The following SLC60A1 variants were observed in gnomAD, a reference collection of about 807,000 sequenced individuals.
SLC60A1 encodes the protein solute carrier family 60 member 1.
chr1:205,574,462 C>T, the SLC60A1 span, among the ~76,000 whole-genome samples: 15 of 152,154 alleles, frequency 9.9e-5, no homozygotes, highest in African/African-American at 3.4e-4. Flanking sequence ...AAACAAAAAT[C>T]TCAAAACTTA....
the SLC60A1 span, chr1:205,598,907 T>G: frequency 0.025 from 14,611 of 574,906 alleles, 266 homozygotes; most frequent in Middle Eastern, 0.058. Context: ...CTGCAGGGGG[T>G]CACCAGGTCC....
the SLC60A1 span, chr1:205,585,960 C>A: frequency 6.8e-7 from 1 of 1,480,884 alleles, no homozygotes; most frequent in Non-Finnish European, 9.0e-7. The surrounding 1 kb of genome is among the most constrained non-coding windows in gnomAD (Gnocchi z 4.2). Context: ...ACCTGCCCAG[C>A]CTGGGCTCCC....
the SLC60A1 span, chr1:205,600,583 T>A: frequency 1.1e-6 from 1 of 911,994 alleles, no homozygotes; most frequent in Non-Finnish European, 1.7e-6. Flanking sequence ...TCTTCTCCAC[T>A]AAAACTTGGT....
chr1:205,577,023 A>G, the SLC60A1 span, among the ~76,000 whole-genome samples: 2 of 152,056 alleles, frequency 1.3e-5, no homozygotes, highest in East Asian at 3.9e-4. The surrounding 1 kb of genome is among the most constrained non-coding windows in gnomAD (Gnocchi z 5.2). Context: ...GGGACAAACC[A>G]TACCTCCAGT....
At chr1:205,588,491 GAA>G in the SLC60A1 span, among the ~76,000 whole-genome samples, 2 of 42,906 alleles carry the variant, frequency 4.7e-5, no homozygotes, top group African/African-American at 7.0e-5. Flanking sequence ...AAAAAAAAAA[GAA>G]AGAGAAAATA....
At chr1:205,580,623 A>ACCCCCCCCCCCCCC in the SLC60A1 span, 10 of 1,570,440 alleles carry the variant, frequency 6.4e-6, no homozygotes, top group South Asian at 2.2e-5. The surrounding 1 kb of genome is among the most constrained non-coding windows in gnomAD (Gnocchi z 5.0). Flanking sequence ...CTGAAGACTG[A>ACCCCCCCCCCCCCC]CCCCCACCCC....
the SLC60A1 span, chr1:205,602,445 T>C: frequency 6.5e-6 from 1 of 152,674 alleles, no homozygotes; most frequent in African/African-American, 2.4e-5. Flanking sequence ...TAAAAGTACC[T>C]ACCCTACCTC....
At chr1:205,599,276 C>T in the SLC60A1 span, 14 of 1,612,398 alleles carry the variant, frequency 8.7e-6, no homozygotes, top group Non-Finnish European at 1.1e-5. Context: ...TGTTTCTACA[C>T]AAGAGGAGGA....
At chr1:205,595,563 AAGAGCACGGGCTGTG>A in the SLC60A1 span, among the ~76,000 whole-genome samples, 6,837 of 152,294 alleles carry the variant, frequency 0.045, 255 homozygotes, top group African/African-American at 0.1. Flanking sequence ...GGACAAGGGT[AAGAGCACGGGCTGTG>A]CAGGCAATAG....
chr1:205,593,453 C>CA, the SLC60A1 span, among the ~76,000 whole-genome samples: 664 of 83,482 alleles, frequency 8.0e-3, 15 homozygotes, highest in East Asian at 0.014. Flanking sequence ...GACTCTGTCT[C>CA]AAAAAAAAAA....
At chr1:205,576,304 C>G in the SLC60A1 span, among the ~76,000 whole-genome samples, 1 of 152,150 alleles carries the variant, frequency 6.6e-6, no homozygotes, top group East Asian at 1.9e-4. Flanking sequence ...CCAGGGCCAG[C>G]AGGGAGGCAG....
the SLC60A1 span, among the ~76,000 whole-genome samples, chr1:205,588,918 C>T: frequency 6.6e-6 from 1 of 152,020 alleles, no homozygotes; most frequent in African/African-American, 2.4e-5. Context: ...AGGGTGTAGG[C>T]AGTGGGGATG....
the SLC60A1 span, among the ~76,000 whole-genome samples, chr1:205,595,450 C>T: frequency 1.3e-5 from 2 of 152,170 alleles, no homozygotes; most frequent in Non-Finnish European, 2.9e-5. Context: ...GTGTGCCTCC[C>T]CTTTGTGCCC....
At chr1:205,589,406 G>C in the SLC60A1 span, among the ~76,000 whole-genome samples, 2 of 152,134 alleles carry the variant, frequency 1.3e-5, no homozygotes, top group South Asian at 4.1e-4. Context: ...ACATCCTCAG[G>C]GTTTTGTAAG....
At chr1:205,599,603 C>T in the SLC60A1 span, among the ~76,000 whole-genome samples, 3 of 152,186 alleles carry the variant, frequency 2.0e-5, no homozygotes, top group Admixed American at 6.5e-5. Flanking sequence ...AGGCAGAGCC[C>T]GACTCCTTGG....
At chr1:205,570,572 A>G in the SLC60A1 span, among the ~76,000 whole-genome samples, 1 of 152,162 alleles carries the variant, frequency 6.6e-6, no homozygotes, top group African/African-American at 2.4e-5. Flanking sequence ...TAAAAACATG[A>G]CCAATTTTGG....
At chr1:205,577,567 T>C in the SLC60A1 span, among the ~76,000 whole-genome samples, 1 of 152,166 alleles carries the variant, frequency 6.6e-6, no homozygotes, top group African/African-American at 2.4e-5. This position sits in a 1 kb window ranked among gnomAD's most constrained non-coding sequence, Gnocchi z 5.2. Flanking sequence ...TCTCCAGTGC[T>C]TCCTAGCCTT....
chr1:205,572,230 TTTAGA>T, the SLC60A1 span, among the ~76,000 whole-genome samples: 10 of 152,050 alleles, frequency 6.6e-5, no homozygotes, highest in African/African-American at 2.4e-4. Flanking sequence ...GGAAGGGGTA[TTTAGA>T]TTAAAGGTTA....
the SLC60A1 span, among the ~76,000 whole-genome samples, chr1:205,572,868 A>G: frequency 1.3e-5 from 2 of 152,220 alleles, no homozygotes; most frequent in Non-Finnish European, 2.9e-5. Flanking sequence ...ATGTCCACAC[A>G]CTAAACCTGT....
Sources: gnomAD v4.1 joint callset for allele counts (sites outside exome capture counted in the v4.1 genomes callset) on GRCh38, gnomAD v4.1.1 for gene constraint, Gnocchi (gnomAD v3.1) non-coding constraint, MANE v1.5 for transcripts, NCBI Gene and HGNC (gene_info 2026-07-23, HGNC 2026-07-21) for gene names.